Variants in MORN5 observed in about 807,000 individuals in gnomAD.
The protein encoded by MORN5 is MORN repeat containing 5.
Under a neutral mutation model 22.1 loss-of-function variants are expected in MORN5, and 21 were observed. The ratio of observed to expected loss-of-function variants is 0.95; its 90% confidence interval spans 0.67 to 1.37. The LOEUF (loss-of-function observed/expected upper bound fraction) is 1.37. MORN5 is among the 40% of genes most tolerant of loss of function. The pLI is 0.00. For missense variants in MORN5, 211 were observed against 215.1 expected (o/e 0.98, Z 0.12); for synonymous variants, 73 against 74.0 (o/e 0.99, Z 0.07).
Position 122,197,998 on chromosome 9 carries a change from T to C in MORN5, c.440-1887T>C, listed in dbSNP as rs996028066. On this transcript the variant is annotated intron_variant, in intron 4 of 4. Coordinates refer to ENST00000373764, the MANE Select transcript of MORN5 (RefSeq NM_198469.4). The surrounding 1 kb of genome is among the most constrained non-coding windows in gnomAD (Gnocchi z 5.7). ...TTTCCTTAGGTCTCATGTAAAGAAA[T>C]GGTGGGCAGGTGGTTAGTGATGTGG... Among the ~76,000 whole-genome samples, 1 of 152,024 alleles carries C rather than the reference T, an allele frequency of 6.6e-6. No individual in the cohort carries two copies. The highest frequency in any genetic ancestry group is 1.5e-5 in the Non-Finnish European group (1 of 67,994).
At chr9:122,199,716 C>T (rs961625140) in intron 4 of MORN5, among the ~76,000 whole-genome samples, 169 bp from the exon 5 acceptor site, 1 of 152,204 alleles carries the variant, frequency 6.6e-6, no homozygotes, top group African/African-American at 2.4e-5. Flanking sequence ...AGACCAGCCA[C>T]TCCGAGGAAT....
intron 4 of MORN5, among the ~76,000 whole-genome samples, chr9:122,192,663 C>T (rs576124771): frequency 7.2e-5 from 11 of 152,350 alleles, no homozygotes; most frequent in Admixed American, 7.2e-4. Flanking sequence ...AGTCCCAGGC[C>T]AGCCAGGCTT....
In MORN5 at chr9:122,180,960, C is replaced by A. The variant is rs1292506223; in HGVS notation, c.439+6333C>A. 2.6e-5 allele frequency among the ~76,000 whole-genome samples: 4 copies of A among 152,248 alleles called. No individual in the cohort carries two copies. In the East Asian group the frequency reaches 7.7e-4, roughly 29 times the overall value. ...AAATGTTTGTAAAAGACAAAGCATGCAGGCAGGCAGAGCACCTGCTCCTAG... is the reference window on the plus strand; with the variant it reads ...AAATGTTTGTAAAAGACAAAGCATGAAGGCAGGCAGAGCACCTGCTCCTAG... On this transcript the variant is annotated intron_variant, in intron 4 of 4. Coordinates refer to ENST00000373764, the MANE Select transcript of MORN5 (RefSeq NM_198469.4).
At chr9:122,194,274 T>C (rs1381552823) in intron 4 of MORN5, among the ~76,000 whole-genome samples, 1 of 152,072 alleles carries the variant, frequency 6.6e-6, no homozygotes, top group Non-Finnish European at 1.5e-5. Context: ...TCAAAAGCTA[T>C]CAACTGAGAA....
chr9:122,172,578 G>C (rs1359730589), intron 3 of MORN5, among the ~76,000 whole-genome samples: 1 of 152,128 alleles, frequency 6.6e-6, no homozygotes, highest in Non-Finnish European at 1.5e-5. Context: ...ACGTCCTGAA[G>C]CTGGGAGCCC....
intron 4 of MORN5, among the ~76,000 whole-genome samples, chr9:122,178,918 A>G (rs1451218444): frequency 6.6e-6 from 1 of 152,146 alleles, no homozygotes; most frequent in African/African-American, 2.4e-5. Context: ...TATCTTCTAT[A>G]TCCAGCCTTC....
chr9:122,191,616 A>T (rs1004971495), intron 4 of MORN5, among the ~76,000 whole-genome samples: 1 of 152,038 alleles, frequency 6.6e-6, no homozygotes, highest in Non-Finnish European at 1.5e-5. Context: ...TACTCCCCAT[A>T]CCAGCCCCCT....
intron 4 of MORN5, among the ~76,000 whole-genome samples, chr9:122,179,520 T>G (rs946735064): frequency 6.6e-6 from 1 of 152,162 alleles, no homozygotes; most frequent in Non-Finnish European, 1.5e-5. Context: ...TCAGGCTGCC[T>G]GCTGGATGAC....
chr9:122,173,072 T>A (rs1364550986), intron 3 of MORN5, among the ~76,000 whole-genome samples: 1 of 152,156 alleles, frequency 6.6e-6, no homozygotes, highest in Non-Finnish European at 1.5e-5. Flanking sequence ...AAGCCTTAGC[T>A]CTCACACAAT....
chr9:122,189,422 C>T (rs755129311), intron 4 of MORN5, among the ~76,000 whole-genome samples: 19 of 151,828 alleles, frequency 1.3e-4, no homozygotes, highest in Non-Finnish European at 2.1e-4. Context: ...TCCAAGACCC[C>T]ATATCTACAA....
At chr9:122,161,643 G>A (rs760779566) in intron 1 of MORN5, among the ~76,000 whole-genome samples, 1 of 152,204 alleles carries the variant, frequency 6.6e-6, no homozygotes, top group Non-Finnish European at 1.5e-5. Flanking sequence ...CAGTGAAGGT[G>A]GTAGAATTTT....
chr9:122,189,975 G>A (rs1354296300), intron 4 of MORN5, among the ~76,000 whole-genome samples: 2 of 151,984 alleles, frequency 1.3e-5, no homozygotes, highest in Admixed American at 1.3e-4. Flanking sequence ...TCCAGCATGG[G>A]ACCTTCCTAA....
At chr9:122,168,032 A>G (rs1829313099) in intron 2 of MORN5, among the ~76,000 whole-genome samples, 1 of 152,198 alleles carries the variant, frequency 6.6e-6, no homozygotes. Context: ...TGGCACACCC[A>G]GATAATCCAA....
intron 4 of MORN5, chr9:122,175,379 G>A: frequency 6.1e-6 from 5 of 822,290 alleles, no homozygotes; most frequent in Non-Finnish European, 7.3e-6. Context: ...CAGAACCTCA[G>A]TTTGGTGAGT....
chr9:122,165,852 AGAAGGAAGG>A (rs1157872920), intron 1 of MORN5, among the ~76,000 whole-genome samples: 1 of 152,144 alleles, frequency 6.6e-6, no homozygotes, highest in East Asian at 1.9e-4. Context: ...TTGGAAGGAA[AGAAGGAAGG>A]GAAGGAAGGG....
intron 4 of MORN5, among the ~76,000 whole-genome samples, chr9:122,176,564 T>C (rs1435878723): frequency 6.6e-6 from 1 of 152,160 alleles, no homozygotes; most frequent in Admixed American, 6.5e-5. Context: ...CGTTATCTTG[T>C]ATCAGTAAGT....
chr9:122,193,228 A>C (rs556861674), intron 4 of MORN5, among the ~76,000 whole-genome samples: 1 of 152,230 alleles, frequency 6.6e-6, no homozygotes, highest in Non-Finnish European at 1.5e-5. Context: ...CTATGAACTT[A>C]TACATTTTTG....
intron 1 of MORN5, among the ~76,000 whole-genome samples, chr9:122,165,488 T>C (rs1201711753): frequency 6.6e-6 from 1 of 151,252 alleles, no homozygotes; most frequent in Non-Finnish European, 1.5e-5. Context: ...GGTGGGAGGA[T>C]CACTTGAGTT....
At chr9:122,184,317 CA>C (rs1402066153) in intron 4 of MORN5, among the ~76,000 whole-genome samples, 4 of 152,152 alleles carry the variant, frequency 2.6e-5, no homozygotes, top group African/African-American at 9.7e-5. Flanking sequence ...GAAAAGCTCC[CA>C]GACATGATGT....
Sources: allele counts gnomAD v4.1 joint callset (sites outside exome capture counted in the v4.1 genomes callset), GRCh38; gene constraint gnomAD v4.1.1; non-coding constraint Gnocchi (gnomAD v3.1); transcripts MANE v1.5; gene names NCBI Gene and HGNC (gene_info 2026-07-23, HGNC 2026-07-21).